The following TBC1D23 variants were observed in gnomAD, a reference collection of about 807,000 sequenced individuals.
The protein encoded by TBC1D23 is TBC1 domain family member 23.
Under a neutral mutation model 91.4 loss-of-function variants are expected in TBC1D23, and 55 were observed. That is an observed-to-expected ratio of 0.60 (90% CI 0.48 to 0.75). The LOEUF is 0.75. TBC1D23 is among the 30% of genes least tolerant of loss of function. TBC1D23 has a pLI of 0.00. For synonymous variants in TBC1D23, 289 were observed against 281.0 expected (o/e 1.03, Z -0.28); for missense variants, 725 against 836.1 (o/e 0.87, Z 1.64).
At chr3:100,298,631 C>G (rs920058402) in intron 9 of TBC1D23, among the ~76,000 whole-genome samples, 1 of 152,086 alleles carries the variant, frequency 6.6e-6, no homozygotes, top group Non-Finnish European at 1.5e-5. Flanking sequence ...TATGGTAGAT[C>G]TTTCTTAGTT....
intron 1 of TBC1D23, among the ~76,000 whole-genome samples, chr3:100,269,857 C>T (rs577476650): frequency 9.8e-5 from 15 of 152,332 alleles, no homozygotes; most frequent in African/African-American, 3.6e-4. Context: ...CAATTCAATA[C>T]ATGCAGCTTG....
intron 13 of TBC1D23, among the ~76,000 whole-genome samples, chr3:100,309,610 C>CTTTTTTTTTTTTTTTTTTTTTTTT (rs71132518): frequency 1.7e-5 from 2 of 116,124 alleles, no homozygotes; most frequent in African/African-American, 6.4e-5. Context: ...ATTCTACCTT[C>CTTTTTTTTTTTTTTTTTTTTTTTT]TTTTTTTTTT....
At position 100,310,396 on chromosome 3, in the gene TBC1D23, T is replaced by C; in HGVS notation, c.1414-7T>C. Reference sequence around the variant, plus strand: ...GAGGCAGTTAATCCATTATGTTCTTTTTTTAGGGTGAATCTCCTAATGGCT... The same window carrying C: ...GAGGCAGTTAATCCATTATGTTCTTCTTTTAGGGTGAATCTCCTAATGGCT... On this transcript the variant is annotated splice_region_variant and splice_polypyrimidine_tract_variant and intron_variant, in intron 13 of 18. Transcript: ENST00000394144. 1.9e-6 allele frequency: 3 copies of C among 1,608,934 alleles called. No individual in the cohort carries two copies. Among genetic ancestry groups the C allele is most frequent in the Non-Finnish European group, 2.5e-6 (3 of 1,178,072 alleles).
intron 6 of TBC1D23, 33 bp downstream of exon 6, chr3:100,295,244 C>T (rs1559807891): frequency 1.9e-6 from 3 of 1,593,172 alleles, no homozygotes; most frequent in South Asian, 1.1e-5. Context: ...TTTTTTTCCT[C>T]TTTTCTCAGG....
intron 15 of TBC1D23, among the ~76,000 whole-genome samples, chr3:100,313,940 T>C (rs969892215): frequency 1.1e-4 from 17 of 152,132 alleles, no homozygotes; most frequent in Admixed American, 6.5e-5. Flanking sequence ...CAAATGATTA[T>C]GTCACTTGTA....
rs1705446259 is a variant in TBC1D23 at position 100,302,208 on chromosome 3, A to T, written c.1234A>T (p.Met412Leu). Residue 412 changes from methionine (M) to leucine (L), a missense_variant, in exon 11 of 19, where the codon ATG (methionine) becomes TTG (leucine). Physicochemically the swap from Met to Leu is conservative, Grantham distance 15 (BLOSUM62 2). Transcript: ENST00000394144. The stretch of plus-strand genomic sequence containing the variant: ...TGGCAGGGAGGAAGAAGACATGTAT[A>T]TGAACATGGTCCTGGCACACTTTTT... ...GSGREEEDMY[M>L]NMVLAHFLQK... 1 of 1,613,894 alleles carries T rather than the reference A, an allele frequency of 6.2e-7. No individual in the cohort carries two copies. Among genetic ancestry groups the T allele is most frequent in the African/African-American group, 1.3e-5 (1 of 75,042 alleles).
intron 1 of TBC1D23, 115 bp downstream of exon 1, chr3:100,261,186 C>T: frequency 1.9e-6 from 2 of 1,028,284 alleles, no homozygotes; most frequent in Non-Finnish European, 3.0e-6. Flanking sequence ...CGGTCCTAGG[C>T]GAAGTCCGGT....
chr3:100,265,371 C>T (rs1034595927), intron 1 of TBC1D23, among the ~76,000 whole-genome samples: 2 of 152,154 alleles, frequency 1.3e-5, no homozygotes, highest in Non-Finnish European at 2.9e-5. Flanking sequence ...CTTTCAAGCT[C>T]CCTGGGATTC....
At chr3:100,306,368 G>A (rs747739828) in intron 12 of TBC1D23, 69 bp from the exon 13 acceptor site, 10 of 827,040 alleles carry the variant, frequency 1.2e-5, no homozygotes, top group South Asian at 3.0e-5. Flanking sequence ...ATTGTATTTC[G>A]TTGGTAATGA....
chr3:100,261,136 C>T (rs1024609008), intron 1 of TBC1D23, 65 bp downstream of exon 1: 56 of 1,486,932 alleles, frequency 3.8e-5, no homozygotes, highest in Non-Finnish European at 4.9e-5. Context: ...TCTTGCCGGT[C>T]CCCGAGGAGC....
chr3:100,320,776 G>A lies in TBC1D23; in HGVS notation c.1824-1G>A. The A allele has an allele frequency of 2.1e-6, 3 of 1,448,122 alleles. No homozygotes were observed. The highest frequency in any genetic ancestry group is 9.1e-7 in the Non-Finnish European group (1 of 1,094,902). The allele number at this position is 1,448,122 out of a possible 1,614,324, so 89.7% of individuals were successfully genotyped here. A position where few individuals can be genotyped will look rare whatever the true frequency, so the allele number is the denominator to read the frequency against. On this transcript the variant is annotated splice_acceptor_variant, in intron 17 of 18. Coordinates refer to ENST00000394144, the MANE Select transcript of TBC1D23 (RefSeq NM_001199198.3). LOFTEE classifies it high-confidence loss of function. ...TCTTTTAATGCTTTTTTTGTCTCAA[G>A]TCATCTGTTGGTTACTGCAACACAT...
intron 1 of TBC1D23, among the ~76,000 whole-genome samples, chr3:100,266,813 T>G (rs1273272357): frequency 6.6e-6 from 1 of 152,102 alleles, no homozygotes; most frequent in Non-Finnish European, 1.5e-5. Flanking sequence ...TAAGTAGGAG[T>G]CTTCTGGAGA....
chr3:100,270,497 GGA>G (rs751446384), intron 1 of TBC1D23, among the ~76,000 whole-genome samples: 13 of 152,064 alleles, frequency 8.5e-5, no homozygotes, highest in Non-Finnish European at 1.8e-4. Flanking sequence ...GTAAAAGGAA[GGA>G]GAGAGATGAC....
intron 13 of TBC1D23, among the ~76,000 whole-genome samples, chr3:100,309,530 T>C (rs1248780456): frequency 1.3e-5 from 2 of 152,036 alleles, no homozygotes; most frequent in Non-Finnish European, 2.9e-5. Flanking sequence ...TTTTAACTGT[T>C]TCTTATATAA....
At chr3:100,306,964 C>G (rs1015628393) in intron 13 of TBC1D23, among the ~76,000 whole-genome samples, 1 of 152,170 alleles carries the variant, frequency 6.6e-6, no homozygotes, top group Non-Finnish European at 1.5e-5. Context: ...TCATAATCAT[C>G]TCGTGCACAC....
At position 100,319,896 on chromosome 3, in the gene TBC1D23, T is replaced by A. The variant is rs533363430; in HGVS notation, c.1823+692T>A. ...CTTCAGCATAAACTTCCCAAGTATATGAGCATTCTCCTGCACAACTTCAAT... is the reference window on the plus strand; with the variant it reads ...CTTCAGCATAAACTTCCCAAGTATAAGAGCATTCTCCTGCACAACTTCAAT... On this transcript the variant is annotated intron_variant, in intron 17 of 18. Transcript: ENST00000394144. Among the ~76,000 whole-genome samples the A allele has an allele frequency of 1.5e-3, 231 of 152,282 alleles. 1 individual carries two copies. Among genetic ancestry groups the A allele is most frequent in the African/African-American group, 5.3e-3 (219 of 41,554 alleles).
intron 16 of TBC1D23, among the ~76,000 whole-genome samples, chr3:100,318,779 T>C (rs1160363929): frequency 6.6e-6 from 1 of 151,482 alleles, no homozygotes; most frequent in Non-Finnish European, 1.5e-5. Context: ...GCCTCCCGAG[T>C]ATTTGAGATT....
intron 4 of TBC1D23, among the ~76,000 whole-genome samples, chr3:100,287,095 A>G (rs1374843712): frequency 6.6e-6 from 1 of 152,058 alleles, no homozygotes; most frequent in Non-Finnish European, 1.5e-5. Context: ...TTACAGGTGC[A>G]AGCTACCGCG....
At chr3:100,297,035 A>G (rs1284283860) in intron 8 of TBC1D23, among the ~76,000 whole-genome samples, 1 of 152,170 alleles carries the variant, frequency 6.6e-6, no homozygotes, top group African/African-American at 2.4e-5. Context: ...CAGATGCCTA[A>G]TAAAGGACAC....
Sources: allele counts gnomAD v4.1 joint callset (sites outside exome capture counted in the v4.1 genomes callset), GRCh38; gene constraint gnomAD v4.1.1; transcripts MANE v1.5; gene names NCBI Gene and HGNC (gene_info 2026-07-23, HGNC 2026-07-21).